ZDHHC2: variants seen among roughly 807,000 people sequenced by gnomAD.
The protein encoded by ZDHHC2 is zDHHC palmitoyltransferase 2.
Under a neutral mutation model 55.6 loss-of-function variants are expected in ZDHHC2, and 51 were observed. That is an observed-to-expected ratio of 0.92 (90% CI 0.73 to 1.16). ZDHHC2 has a LOEUF of 1.16. ZDHHC2 is among the 50% of genes most tolerant of loss of function. The pLI is 0.00. For synonymous variants in ZDHHC2, 199 were observed against 152.9 expected (o/e 1.30, Z -2.22); for missense variants, 491 against 442.4 (o/e 1.11, Z -0.99).
In ZDHHC2 at chr8:17,223,549, T is replaced by C. The variant is rs148506458; in HGVS notation, c.*3328T>C. ...CCAGTTCAGCACCGATTTCCTCTTA[T>C]ATGTGGAAGGAGACTATGTTACATA... On this transcript the variant is annotated 3_prime_UTR_variant, in exon 13 of 13. Coordinates refer to ENST00000262096, the MANE Select transcript of ZDHHC2 (RefSeq NM_016353.5). The C allele has an allele frequency of 1.9e-4, 29 of 152,010 alleles. No individual in the cohort carries two copies. Among genetic ancestry groups the C allele is most frequent in the Non-Finnish European group, 3.2e-4 (22 of 67,796 alleles). 9.4% of individuals were successfully genotyped at this position (152,010 alleles called of 1,614,324 possible). A position where few individuals can be genotyped will look rare whatever the true frequency, so the allele number is the denominator to read the frequency against.
intron 1 of ZDHHC2, among the ~76,000 whole-genome samples, chr8:17,158,272 T>C (rs1265574685): frequency 1.3e-5 from 2 of 152,258 alleles, no homozygotes; most frequent in Non-Finnish European, 2.9e-5. Context: ...AGACTGTATA[T>C]GTTACGTAAC....
intron 6 of ZDHHC2, among the ~76,000 whole-genome samples, chr8:17,199,074 C>T (rs764115731): frequency 3.3e-5 from 5 of 152,080 alleles, no homozygotes; most frequent in Admixed American, 6.6e-5. Context: ...TGGATTTGGG[C>T]GTGAGTAATG....
rs377014817 is a variant in ZDHHC2 at position 17,199,465 on chromosome 8, A to ACTTCTTCTTCTT, written c.476+1090_476+1101dup. On this transcript the variant is annotated intron_variant, in intron 6 of 12. Coordinates refer to ENST00000262096, the MANE Select transcript of ZDHHC2 (RefSeq NM_016353.5). ...CCTCTCCCCCAGTGTCTTTAATAAG[A>ACTTCTTCTTCTT]CTTCTTCTTCTTCTTCTTCTTCTTC... 8.0e-4 allele frequency among the ~76,000 whole-genome samples: 79 copies of ACTTCTTCTTCTT among 98,602 alleles called. 1 individual carries two copies. Among genetic ancestry groups the ACTTCTTCTTCTT allele is most frequent in the African/African-American group, 1.8e-3 (44 of 25,134 alleles). 64.7% of individuals were successfully genotyped at this position (98,602 alleles called of 152,430 possible). A position where few individuals can be genotyped will look rare whatever the true frequency, so the allele number is the denominator to read the frequency against.
chr8:17,207,048 G>C (rs1332494283), intron 7 of ZDHHC2, among the ~76,000 whole-genome samples: 1 of 152,102 alleles, frequency 6.6e-6, no homozygotes, highest in Non-Finnish European at 1.5e-5. Context: ...TCCTTCCTGT[G>C]GATGATTTTA....
chr8:17,180,153 T>G (rs2065334327), intron 1 of ZDHHC2, among the ~76,000 whole-genome samples: 1 of 152,216 alleles, frequency 6.6e-6, no homozygotes, highest in African/African-American at 2.4e-5. Context: ...TTATAAGATT[T>G]AGGTCTTTAT....
intron 1 of ZDHHC2, among the ~76,000 whole-genome samples, chr8:17,166,897 T>C (rs1234281604): frequency 1.3e-5 from 2 of 152,184 alleles, no homozygotes; most frequent in African/African-American, 4.8e-5. Flanking sequence ...TTTACAAGGT[T>C]ACCAAAAAGA....
At chr8:17,169,725 G>C (rs753220051) in intron 1 of ZDHHC2, among the ~76,000 whole-genome samples, 4 of 152,190 alleles carry the variant, frequency 2.6e-5, no homozygotes, top group Non-Finnish European at 1.5e-5. Flanking sequence ...ATTTTAGTAA[G>C]AGAAAGCATA....
intron 7 of ZDHHC2, 125 bp from the exon 8 acceptor site, chr8:17,207,835 C>T (rs1401557844): frequency 1.3e-6 from 1 of 767,552 alleles, no homozygotes; most frequent in African/African-American, 1.8e-5. Context: ...CATAAAGCCA[C>T]ATTTTTTTAT....
chr8:17,178,742 A>C (rs1805279004), intron 1 of ZDHHC2, among the ~76,000 whole-genome samples: 1 of 152,226 alleles, frequency 6.6e-6, no homozygotes, highest in Admixed American at 6.5e-5. Context: ...GGTTGGATTA[A>C]GGAGCAGTTT....
intron 12 of ZDHHC2, among the ~76,000 whole-genome samples, chr8:17,219,918 A>G (rs569391220): frequency 6.6e-6 from 1 of 152,368 alleles, no homozygotes; most frequent in Admixed American, 6.5e-5. Context: ...CTAACAACAT[A>G]GAACCCTGCC....
At chr8:17,173,289 T>C (rs912005558) in intron 1 of ZDHHC2, among the ~76,000 whole-genome samples, 3 of 152,222 alleles carry the variant, frequency 2.0e-5, no homozygotes, top group Non-Finnish European at 2.9e-5. Flanking sequence ...TTAGAAGTTA[T>C]ACCTCTGTGA....
At chr8:17,175,154 G>C (rs117662684) in intron 1 of ZDHHC2, among the ~76,000 whole-genome samples, 2,937 of 152,216 alleles carry the variant, frequency 0.019, 50 homozygotes, top group Non-Finnish European at 0.031. Context: ...GTAGAGGCTG[G>C]GGAAATCATC....
At chr8:17,199,044 G>C (rs950133301) in intron 6 of ZDHHC2, among the ~76,000 whole-genome samples, 39 of 152,102 alleles carry the variant, frequency 2.6e-4, no homozygotes, top group African/African-American at 9.2e-4. Flanking sequence ...TGACAGTCAT[G>C]CCCAGGTTGC....
chr8:17,202,511 C>CTTT (rs1315720579), intron 6 of ZDHHC2, among the ~76,000 whole-genome samples: 1 of 152,128 alleles, frequency 6.6e-6, no homozygotes, highest in Non-Finnish European at 1.5e-5. Context: ...TGAACTTAAA[C>CTTT]AACATAAGAA....
At chr8:17,196,486 A>G (rs956630362) in intron 4 of ZDHHC2, among the ~76,000 whole-genome samples, 1 of 152,036 alleles carries the variant, frequency 6.6e-6, no homozygotes, top group Non-Finnish European at 1.5e-5. Flanking sequence ...CCCAGGAGTT[A>G]GAAGTTGCAG....
At chr8:17,213,657 G>GAACAAAGACTTTTATTCTTTGTTTAATA (rs1807495965) in intron 10 of ZDHHC2, among the ~76,000 whole-genome samples, 1 of 152,014 alleles carries the variant, frequency 6.6e-6, no homozygotes, top group Non-Finnish European at 1.5e-5. Context: ...ATTTCCATAA[G>GAACAAAGACTTTTATTCTTTGTTTAATA]AACAAAGACT....
At chr8:17,202,105 G>A (rs1806814234) in intron 6 of ZDHHC2, among the ~76,000 whole-genome samples, 1 of 152,140 alleles carries the variant, frequency 6.6e-6, no homozygotes, top group African/African-American at 2.4e-5. Context: ...CAAAGGTTAA[G>A]TAACACAAAT....
At chr8:17,191,051 T>A (rs11774932) in intron 3 of ZDHHC2, among the ~76,000 whole-genome samples, 1 of 148,140 alleles carries the variant, frequency 6.8e-6, no homozygotes, top group Non-Finnish European at 1.5e-5. Context: ...AACCTCTGCC[T>A]TCTGGTTTCA....
intron 1 of ZDHHC2, among the ~76,000 whole-genome samples, chr8:17,174,727 T>C (rs1413372168): frequency 1.5e-5 from 1 of 67,026 alleles, no homozygotes; most frequent in Non-Finnish European, 3.0e-5. Flanking sequence ...TTTTTTTTTT[T>C]TGAGACATAG....
Sources: gnomAD v4.1 joint callset for allele counts (sites outside exome capture counted in the v4.1 genomes callset) on GRCh38, gnomAD v4.1.1 for gene constraint, MANE v1.5 for transcripts, NCBI Gene and HGNC (gene_info 2026-07-23, HGNC 2026-07-21) for gene names.